The following DMD variants were observed in gnomAD, a reference collection of about 807,000 sequenced individuals.
The protein encoded by DMD is dystrophin.
DMD carries 63 observed loss-of-function variants against 330.1 expected under a neutral mutation model. That is an observed-to-expected ratio of 0.19 (90% confidence interval 0.16 to 0.24). DMD has a LOEUF of 0.24. Ranked by LOEUF, DMD falls within the 10% of genes least tolerant of loss-of-function variation. The pLI is 1.00. For missense variants in DMD, 3,344 were observed against 2,684.1 expected, an observed-to-expected ratio of 1.25 and a Z score of -5.43; for synonymous variants, 1,223 against 959.8, an observed-to-expected ratio of 1.27 and a Z score of -5.07.
intron 29 of DMD, among the ~76,000 whole-genome samples, chrX:32,429,396 T>G (rs1368278217): frequency 1.3e-5 from 1 of 79,180 alleles, no homozygotes; most frequent in Non-Finnish European, 2.4e-5. Flanking sequence ...GGTTTTTTTT[T>G]TTTTTTTTTT....
chrX:32,820,397 G>A (rs943447495), intron 5 of DMD, among the ~76,000 whole-genome samples: 7 of 111,134 alleles, frequency 6.3e-5, no homozygotes, highest in East Asian at 2.8e-4. Context: ...AGCAGAGATC[G>A]CGCCACTGCA....
intron 62 of DMD, among the ~76,000 whole-genome samples, chrX:31,287,208 T>C (rs766967579): frequency 2.5e-4 from 28 of 112,333 alleles, no homozygotes; most frequent in Non-Finnish European, 5.3e-4. Flanking sequence ...GTACACAGGT[T>C]GAACATAAAG....
intron 1 of DMD, among the ~76,000 whole-genome samples, chrX:33,033,611 T>C (rs1277415386): frequency 2.8e-5 from 3 of 106,439 alleles, no homozygotes; most frequent in Non-Finnish European, 1.9e-5. Context: ...CTCAGCTACT[T>C]GGGAGGCTGA....
intron 51 of DMD, among the ~76,000 whole-genome samples, chrX:31,745,289 T>C (rs1332767226): frequency 1.8e-5 from 2 of 111,153 alleles, no homozygotes; most frequent in African/African-American, 6.6e-5. Context: ...AGAATTACGA[T>C]GGCTGTGATC....
chrX:31,828,663 C>CA (rs147580367), intron 49 of DMD, among the ~76,000 whole-genome samples: 710 of 66,074 alleles, frequency 0.011, 3 homozygotes, highest in Admixed American at 0.027. Context: ...AACTCCATCT[C>CA]AAAAAAAAAA....
At chrX:31,592,645 CT>C (rs1206295713) in intron 55 of DMD, among the ~76,000 whole-genome samples, 1 of 109,479 alleles carries the variant, frequency 9.1e-6, no homozygotes, top group Non-Finnish European at 1.9e-5. Context: ...ACCCAAGGCT[CT>C]TTTTTTGCTA....
chrX:31,790,310 A>T (rs1354156433), intron 50 of DMD, among the ~76,000 whole-genome samples: 1 of 111,292 alleles, frequency 9.0e-6, no homozygotes, highest in East Asian at 2.8e-4. Context: ...CTGTATTGCT[A>T]AAATGGATAA....
chrX:32,716,574 G>A (rs1665552723), intron 7 of DMD, among the ~76,000 whole-genome samples: 1 of 111,312 alleles, frequency 9.0e-6, no homozygotes, highest in Non-Finnish European at 1.9e-5. Flanking sequence ...GTACCGAGAG[G>A]TAGGGCACTG....
intron 44 of DMD, among the ~76,000 whole-genome samples, chrX:32,171,341 GTTC>G (rs1025696181): frequency 9.0e-6 from 1 of 111,455 alleles, no homozygotes; most frequent in Non-Finnish European, 1.9e-5. Context: ...TACAATAATA[GTTC>G]TTCTTTTTCC....
intron 1 of DMD, among the ~76,000 whole-genome samples, chrX:33,318,458 T>C (rs1332016532): frequency 2.8e-5 from 3 of 108,940 alleles, no homozygotes; most frequent in Non-Finnish European, 5.7e-5. Flanking sequence ...GTATTTTTTT[T>C]TTTTTTCGAG....
At chrX:31,765,860 CTA>C (rs2089959687) in intron 51 of DMD, among the ~76,000 whole-genome samples, 1 of 110,917 alleles carries the variant, frequency 9.0e-6, no homozygotes, top group Non-Finnish European at 1.9e-5. Context: ...CAACCTGACT[CTA>C]GAGTGCTTTG....
At chrX:32,711,551 T>A (rs1035376084) in intron 7 of DMD, among the ~76,000 whole-genome samples, 2 of 112,108 alleles carry the variant, frequency 1.8e-5, no homozygotes, top group Non-Finnish European at 3.8e-5. Flanking sequence ...GTTAGTTGTC[T>A]TTGATATTTT....
chrX:32,793,812 G>A (rs1204040594), intron 7 of DMD, among the ~76,000 whole-genome samples: 1 of 111,181 alleles, frequency 9.0e-6, no homozygotes, highest in Non-Finnish European at 1.9e-5. Flanking sequence ...CTTTACTGCT[G>A]AATTCTACCA....
intron 7 of DMD, among the ~76,000 whole-genome samples, chrX:32,752,900 T>C (rs747787503): frequency 9.0e-6 from 1 of 111,064 alleles, no homozygotes; most frequent in East Asian, 2.9e-4. Flanking sequence ...TTACTCCTCC[T>C]TGCCTTCCAC....
rs1036513185 is a variant in DMD, at chrX:33,013,955, G to A, written c.93+6184C>T. On this transcript the variant is annotated intron_variant, in intron 2 of 78. Transcript: ENST00000357033. ...GTTTTCCCTGTTTGATGCCAAGAAG[G>A]TAGCCAAAACCATAATCAATAAAGA... Among the ~76,000 whole-genome samples, 4 of 112,202 alleles carry A rather than the reference G, an allele frequency of 3.6e-5. No homozygotes were observed. In the Admixed American group the frequency reaches 3.8e-4, roughly 11 times the overall value.
intron 51 of DMD, among the ~76,000 whole-genome samples, chrX:31,753,498 T>C (rs2088780239): frequency 8.9e-6 from 1 of 112,036 alleles, no homozygotes; most frequent in Non-Finnish European, 1.9e-5. Context: ...AATCATCTGA[T>C]GGTGAAACAT....
At chrX:32,516,028 G>C (rs146003228) in intron 18 of DMD, among the ~76,000 whole-genome samples, 1,542 of 110,206 alleles carry the variant, frequency 0.014, 20 homozygotes, top group African/African-American at 0.048. Context: ...AAAAGCATTT[G>C]AAAGGAGTAA....
chrX:31,881,721 C>T (rs183738167), intron 47 of DMD, among the ~76,000 whole-genome samples: 230 of 112,217 alleles, frequency 2.0e-3, no homozygotes, highest in African/African-American at 7.0e-3. Flanking sequence ...GGTTTGTAGC[C>T]TAGGAGCAAT....
chrX:31,207,236 A>G (rs748881794), intron 65 of DMD, among the ~76,000 whole-genome samples: 3 of 111,814 alleles, frequency 2.7e-5, no homozygotes, highest in Non-Finnish European at 5.6e-5. Context: ...AAAATATCAT[A>G]CTCTATTAAA....
Sources: gnomAD v4.1 joint callset for allele counts (sites outside exome capture counted in the v4.1 genomes callset) on GRCh38, gnomAD v4.1.1 for gene constraint, MANE v1.5 for transcripts, NCBI Gene and HGNC (gene_info 2026-07-23, HGNC 2026-07-21) for gene names.